The following GPM6A variants were observed in gnomAD, a reference collection of about 807,000 sequenced individuals.
GPM6A encodes glycoprotein M6A.
Under a neutral mutation model 32.1 loss-of-function variants are expected in GPM6A, and 7 were observed. The observed-to-expected ratio is 0.22, with a 90% CI of 0.12 to 0.41. The LOEUF (loss-of-function observed/expected upper bound fraction) is 0.41. Among genes scored for constraint, GPM6A ranks in the 10% least tolerant of loss-of-function variants. The pLI is 1.00. For synonymous variants in GPM6A, 130 were observed against 123.4 expected (o/e 1.05, Z -0.35); for missense variants, 235 against 347.2 (o/e 0.68, Z 2.57).
At chr4:175,722,762 G>T (rs1746207103) in intron 1 of GPM6A, among the ~76,000 whole-genome samples, 1 of 151,870 alleles carries the variant, frequency 6.6e-6, no homozygotes, top group Non-Finnish European at 1.5e-5. Context: ...TTCTTTCTTT[G>T]ACCAGCCGTC....
chr4:175,987,109 T>C (rs1740998493), intron 1 of GPM6A, among the ~76,000 whole-genome samples: 1 of 152,214 alleles, frequency 6.6e-6, no homozygotes, highest in Admixed American at 6.5e-5. Context: ...TGTTATGCCA[T>C]ATAATTCCTA....
intron 1 of GPM6A, among the ~76,000 whole-genome samples, chr4:175,906,354 G>T (rs1738131325): frequency 6.6e-6 from 1 of 152,154 alleles, no homozygotes; most frequent in South Asian, 2.1e-4. Flanking sequence ...ATGTTTAGCA[G>T]TGAGCACTTA....
chr4:175,979,890 T>G (rs1740772211), intron 1 of GPM6A, among the ~76,000 whole-genome samples: 1 of 152,122 alleles, frequency 6.6e-6, no homozygotes, highest in South Asian at 2.1e-4. Flanking sequence ...GTTTTGTGAG[T>G]TTTACATCTA....
intron 3 of GPM6A, among the ~76,000 whole-genome samples, chr4:175,655,735 A>G (rs929842064): frequency 2.0e-5 from 3 of 152,112 alleles, no homozygotes; most frequent in African/African-American, 7.2e-5. Context: ...AGTACTACTG[A>G]ACTTGAAATC....
chr4:175,843,332 T>G (rs940845858), intron 1 of GPM6A, among the ~76,000 whole-genome samples: 8 of 152,216 alleles, frequency 5.3e-5, no homozygotes, highest in Non-Finnish European at 1.5e-5. Flanking sequence ...TTCATTTTTT[T>G]CTTGACAGGA....
intron 1 of GPM6A, among the ~76,000 whole-genome samples, chr4:175,838,644 ATTTTTTTT>A (rs569099649): frequency 5.0e-5 from 4 of 79,804 alleles, no homozygotes; most frequent in Non-Finnish European, 7.1e-5. Context: ...CTAGCAGTGA[ATTTTTTTT>A]TTTTTTTTTT....
chr4:175,918,730 T>C (rs1368789031), intron 1 of GPM6A, among the ~76,000 whole-genome samples: 1 of 152,158 alleles, frequency 6.6e-6, no homozygotes, highest in Non-Finnish European at 1.5e-5. Context: ...AAACATGTGT[T>C]TCCAGTAGGG....
intron 1 of GPM6A, among the ~76,000 whole-genome samples, chr4:175,799,671 C>CTTTTTTTTTTTTTTT (rs374571140): frequency 1.1e-4 from 13 of 122,098 alleles, no homozygotes; most frequent in Non-Finnish European, 1.4e-4. Flanking sequence ...CAAGTGTTTT[C>CTTTTTTTTTTTTTTT]TTTTTTTTTT....
chr4:175,813,137 A>G (rs1280189325), upstream of GPM6A: 2 of 909,888 alleles, frequency 2.2e-6, no homozygotes, highest in East Asian at 2.4e-4. Context: ...ATTTATTGTT[A>G]TGATTATAGC....
At chr4:175,731,450 C>T (rs1731426479) in intron 1 of GPM6A, among the ~76,000 whole-genome samples, 1 of 152,072 alleles carries the variant, frequency 6.6e-6, no homozygotes, top group Non-Finnish European at 1.5e-5. Flanking sequence ...AGAATCTGAC[C>T]TCAATCATGT....
chr4:175,835,136 A>G (rs1158622218), intron 1 of GPM6A, among the ~76,000 whole-genome samples: 1 of 152,204 alleles, frequency 6.6e-6, no homozygotes, highest in African/African-American at 2.4e-5. Flanking sequence ...GAAATCCCCA[A>G]TAAGACAGCA....
At chr4:175,778,908 T>G (rs1733504904) in intron 1 of GPM6A, among the ~76,000 whole-genome samples, 2 of 151,054 alleles carry the variant, frequency 1.3e-5, no homozygotes, top group African/African-American at 4.9e-5. Flanking sequence ...AGCTTGTGAA[T>G]TACTATATAA....
chr4:175,968,953 C>A (rs181015921), intron 1 of GPM6A, among the ~76,000 whole-genome samples: 9 of 152,138 alleles, frequency 5.9e-5, no homozygotes, highest in Non-Finnish European at 1.0e-4. Flanking sequence ...TTAGACTACA[C>A]AAAATTTATG....
chr4:175,857,870 A>G (rs1454024556), intron 1 of GPM6A, among the ~76,000 whole-genome samples: 1 of 152,186 alleles, frequency 6.6e-6, no homozygotes, highest in Non-Finnish European at 1.5e-5. Context: ...GGTTCTAAAT[A>G]GTGGAAGAAA....
chr4:175,986,255 C>T (rs756596556), intron 1 of GPM6A, among the ~76,000 whole-genome samples: 1 of 152,114 alleles, frequency 6.6e-6, no homozygotes, highest in Non-Finnish European at 1.5e-5. Context: ...CACTTTTAGG[C>T]CAGGTGTGAT....
chr4:175,827,821 C>A (rs1433476553), intron 1 of GPM6A, among the ~76,000 whole-genome samples: 1 of 152,188 alleles, frequency 6.6e-6, no homozygotes, highest in Non-Finnish European at 1.5e-5. Context: ...TAGTGAGGAT[C>A]AAATGCATTC....
rs776065886 is a variant in GPM6A, at chr4:175,651,949, C to A, written c.426G>T (p.Leu142=). Reference sequence around the variant, plus strand: ...GCAGTGAGGTGAAAGCCGTGACTCCCAGCCAGGCCAACATGAAAAGATATG... The same window carrying A: ...GCAGTGAGGTGAAAGCCGTGACTCCAAGCCAGGCCAACATGAAAAGATATG... ...MLTYLFMLAW[L]GVTAFTSLPV... is the part of the protein sequence containing the mutation. The change falls in exon 4 of 7, where the codon CTG becomes CTT. Residue 142 remains leucine, a synonymous_variant. Coordinates refer to ENST00000393658, the MANE Select transcript of GPM6A (RefSeq NM_201591.3). 1.2e-6 allele frequency: 2 copies of A among 1,612,698 alleles called. No homozygotes were observed. The highest frequency in any genetic ancestry group is 1.7e-5 in the Admixed American group (1 of 59,840).
At chr4:175,741,830 G>A (rs372576015) in intron 1 of GPM6A, among the ~76,000 whole-genome samples, 1 of 151,970 alleles carries the variant, frequency 6.6e-6, no homozygotes, top group African/African-American at 2.4e-5. Context: ...ATGTTTCTGG[G>A]ATGTCTTATA....
At chr4:175,711,005 GC>G (rs1745498269) in intron 1 of GPM6A, among the ~76,000 whole-genome samples, 3 of 152,084 alleles carry the variant, frequency 2.0e-5, no homozygotes, top group Admixed American at 2.0e-4. Flanking sequence ...TGTCTGCAGT[GC>G]TTTCTTGCTT....
Sources: gnomAD v4.1 joint callset for allele counts (sites outside exome capture counted in the v4.1 genomes callset) on GRCh38, gnomAD v4.1.1 for gene constraint, MANE v1.5 for transcripts, NCBI Gene and HGNC (gene_info 2026-07-23, HGNC 2026-07-21) for gene names.